Variants in ABCF3 observed in about 807,000 individuals in gnomAD.
The protein encoded by ABCF3 is ATP binding cassette subfamily F member 3, also known as ATP-binding cassette sub-family F member 3.
ABCF3 carries 62 observed loss-of-function variants against 94.3 expected under a neutral mutation model. The observed-to-expected ratio is 0.66, with a 90% CI of 0.54 to 0.81. The LOEUF (loss-of-function observed/expected upper bound fraction) is 0.81, where lower values mean the gene tolerates loss of function less well. ABCF3 is among the 40% of genes least tolerant of loss of function. ABCF3 has a pLI of 0.00. For synonymous variants in ABCF3, 355 were observed against 361.1 expected (o/e 0.98, Z 0.19); for missense variants, 843 against 925.3 (o/e 0.91, Z 1.15).
chr3:184,188,605 A>T, intron 7 of ABCF3, 156 bp from the exon 8 acceptor site: 1 of 1,005,552 alleles, frequency 9.9e-7, no homozygotes, highest in Non-Finnish European at 1.4e-6. Flanking sequence ...GCCCATTTCC[A>T]TAGTGCCCAA....
At position 184,190,982 on chromosome 3, in the gene ABCF3, C is replaced by T. The variant is rs201398299; in HGVS notation, c.1392-17C>T. ...TTTTTAAGTAATAAATCTAGTCTAC[C>T]TCATCTCTTCTCCCAGGCCTGAGCT... On this transcript the variant is annotated splice_polypyrimidine_tract_variant and intron_variant, in intron 14 of 20. Coordinates refer to ENST00000429586, the MANE Select transcript of ABCF3 (RefSeq NM_018358.3). 1.2e-6 allele frequency: 2 copies of T among 1,613,740 alleles called. No homozygotes were observed. The highest frequency in any genetic ancestry group is 2.2e-5 in the East Asian group (1 of 44,872).
Position 184,188,894 on chromosome 3 carries a change from GT to G in ABCF3, c.918-33del, listed in dbSNP as rs780942168. 158 of 1,614,168 alleles carry G rather than the reference GT, an allele frequency of 9.8e-5. 1 individual carries two copies. The highest frequency in any genetic ancestry group is 1.3e-4 in the South Asian group (12 of 91,082). On this transcript the variant is annotated intron_variant, in intron 8 of 20. Coordinates refer to ENST00000429586, the MANE Select transcript of ABCF3 (RefSeq NM_018358.3). ...AGATTTCCTTTCCCTTCTGTGGACT[GT>G]TCCAACTGAGTTCTTCGATTTCTTC...
intron 14 of ABCF3, chr3:184,190,698 G>A (rs1560135526): frequency 3.0e-6 from 1 of 333,864 alleles, no homozygotes; most frequent in East Asian, 6.7e-5. Flanking sequence ...ATGATAATGT[G>A]CATTGGGAGT....
chr3:184,192,835 C>A lies in ABCF3; in HGVS notation c.1689C>A (p.His563Gln). 6.2e-7 allele frequency: 1 copy of A among 1,614,196 alleles called. No homozygotes were observed. The change falls in exon 18 of 21, where the codon CAC becomes CAA. Residue 563 changes from histidine to glutamine, a missense_variant. Physicochemically the swap from His to Gln is conservative, Grantham distance 24. Coordinates refer to ENST00000429586, the MANE Select transcript of ABCF3 (RefSeq NM_018358.3). Reference protein sequence around the residue: ...RNLKIGYFSQHHVEQLDLNVS... With the variant: ...RNLKIGYFSQQHVEQLDLNVS... ...TGAAGATTGGCTATTTCAGCCAGCACCATGTGGAGCAGCTGGACCTAAACG... is the reference window on the plus strand; with the variant it reads ...TGAAGATTGGCTATTTCAGCCAGCAACATGTGGAGCAGCTGGACCTAAACG...
Position 184,187,980 on chromosome 3 carries a change from A to G in ABCF3, c.566A>G (p.Asp189Gly), listed in dbSNP as rs778292936. ...GAGAACTTTGATGTGTCTTTTGGCGATAGGTGAGGGAATAGTGGTGGCAGG... is the reference window on the plus strand; with the variant it reads ...GAGAACTTTGATGTGTCTTTTGGCGGTAGGTGAGGGAATAGTGGTGGCAGG... ...RIENFDVSFG[D>G]RVLLAGADVN... is the part of the protein sequence containing the mutation. The change falls in exon 6 of 21, where the codon GAT (aspartate) becomes GGT (glycine). Residue 189 changes from aspartate (D) to glycine (G), a missense_variant. Coordinates refer to ENST00000429586, the MANE Select transcript of ABCF3 (RefSeq NM_018358.3). 1.9e-6 allele frequency: 3 copies of G among 1,613,818 alleles called. No homozygotes were observed. Among genetic ancestry groups the G allele is most frequent in the South Asian group, 1.1e-5 (1 of 91,092 alleles).
rs747679228 is a variant in ABCF3, at chr3:184,187,777, A to G, written c.446+16A>G. Reference sequence around the variant, plus strand: ...GCAACCCTCTGTGAGTGGGGGAAGCATGGCTCAGAAGAGAGCAGAGCAGCT... The same window carrying G: ...GCAACCCTCTGTGAGTGGGGGAAGCGTGGCTCAGAAGAGAGCAGAGCAGCT... On this transcript the variant is annotated intron_variant, in intron 5 of 20. Transcript: ENST00000429586. 3 of 1,614,076 alleles carry G rather than the reference A, an allele frequency of 1.9e-6. No individual in the cohort carries two copies. Among genetic ancestry groups the G allele is most frequent in the Non-Finnish European group, 2.5e-6 (3 of 1,180,032 alleles).
rs578243315 is a variant in ABCF3, at chr3:184,187,851, C to T, written c.447-10C>T. 1.1e-5 allele frequency: 17 copies of T among 1,614,064 alleles called. No homozygotes were observed. Among genetic ancestry groups the T allele is most frequent in the Admixed American group, 1.7e-5 (1 of 60,014 alleles). ...GGAGCACTAAGAGCTGTCCATTTCTCCCTTTAAAGAGTCTTAGAAGAGGCA... is the reference window on the plus strand; with the variant it reads ...GGAGCACTAAGAGCTGTCCATTTCTTCCTTTAAAGAGTCTTAGAAGAGGCA... On this transcript the variant is annotated splice_polypyrimidine_tract_variant and intron_variant, in intron 5 of 20. Transcript: ENST00000429586.
rs1007607938 is a variant in ABCF3 at position 184,188,027 on chromosome 3, TAGA to T, written c.569+45_569+47del. The T allele has an allele frequency of 1.9e-6, 3 of 1,613,316 alleles. No homozygotes were observed. In the African/African-American group the frequency reaches 4.0e-5, roughly 22 times the overall value. On this transcript the variant is annotated intron_variant, in intron 6 of 20. Transcript: ENST00000429586. ...CAGGGGTTGGCTTTCTTTTTCTAATTAGAGGACAATTTGGAGAGGTGAAACGGG... is the reference window on the plus strand; with the variant it reads ...CAGGGGTTGGCTTTCTTTTTCTAATTGGACAATTTGGAGAGGTGAAACGGG...
At position 184,187,911 on chromosome 3, in the gene ABCF3, G is replaced by C; in HGVS notation, c.497G>C (p.Arg166Pro). ...CAGGCAGGCAGCAGAAAGGAGAGTC[G>C]GTTGGAATCATCTGGCAAGAACAAA... ...ASQAGSRKESRLESSGKNKSY... is the reference protein window; with the variant it reads ...ASQAGSRKESPLESSGKNKSY... Residue 166 changes from arginine (R) to proline (P), a missense_variant, in exon 6 of 21, where the codon CGG becomes CCG. Arg to Pro is a moderately radical substitution (Grantham distance 103). Coordinates refer to ENST00000429586, the MANE Select transcript of ABCF3 (RefSeq NM_018358.3). The C allele has an allele frequency of 6.2e-7, 1 of 1,614,116 alleles. No individual in the cohort carries two copies. The highest frequency in any genetic ancestry group is 8.5e-7 in the Non-Finnish European group (1 of 1,180,038).
chr3:184,188,654 C>A, intron 7 of ABCF3, 107 bp from the exon 8 acceptor site: 1 of 1,205,044 alleles, frequency 8.3e-7, no homozygotes. Context: ...GTATTCTCTT[C>A]CTCTTCCAGC....
intron 16 of ABCF3, 99 bp downstream of exon 16, chr3:184,191,354 T>G: frequency 6.4e-7 from 1 of 1,573,374 alleles, no homozygotes. Flanking sequence ...GGACGAGGTC[T>G]GTGGAACAGG....
Position 184,193,131 on chromosome 3 carries a change from C to A in ABCF3, c.1780C>A (p.Leu594Met). ...GCCTGAGGAGGAGTACCGTCACCAGCTGGGTCGGTATGGCATCTCCGGAGA... is the reference window on the plus strand; with the variant it reads ...GCCTGAGGAGGAGTACCGTCACCAGATGGGTCGGTATGGCATCTCCGGAGA... The part of the protein sequence containing the change: ...GRPEEEYRHQ[L>M]GRYGISGELA... The change falls in exon 19 of 21, where the codon CTG becomes ATG. Residue 594 changes from leucine (L) to methionine (M), a missense_variant. Transcript: ENST00000429586. This position sits in a 1 kb window ranked among gnomAD's most constrained non-coding sequence, Gnocchi z 5.2. The A allele has an allele frequency of 6.4e-7, 1 of 1,550,758 alleles. No homozygotes were observed. The highest frequency in any genetic ancestry group is 1.3e-5 in the South Asian group (1 of 79,908).
At position 184,191,150 on chromosome 3, in the gene ABCF3, G is replaced by A. The variant is rs377428572; in HGVS notation, c.1464G>A (p.Ser488=). 1.1e-4 allele frequency: 173 copies of A among 1,614,046 alleles called. 1 individual carries two copies. Among genetic ancestry groups the A allele is most frequent in the Non-Finnish European group, 1.3e-4 (156 of 1,180,038 alleles). ...MKFPDGFEKF[S]PPILQLDEVD... ...TCCCTGATGGGTTTGAGAAGTTCTC[G>A]CCGCCAATTCTGCAGCTAGATGAGG... Residue 488 remains serine, a synonymous_variant, in exon 16 of 21, where the codon TCG becomes TCA. Transcript: ENST00000429586.
In ABCF3 at chr3:184,191,217, C is replaced by T; in HGVS notation, c.1531C>T (p.Leu511Phe). ...TCCGAAGCACGTCATCTTCAGTCGCCTCTCTGTGTCTGCTGATCTCGAGTC... is the reference window on the plus strand; with the variant it reads ...TCCGAAGCACGTCATCTTCAGTCGCTTCTCTGTGTCTGCTGATCTCGAGTC... ...YDPKHVIFSRLSVSADLESRI... is the reference protein window; with the variant it reads ...YDPKHVIFSRFSVSADLESRI... The change falls in exon 16 of 21, where the codon CTC (leucine) becomes TTC (phenylalanine). Residue 511 changes from leucine to phenylalanine, a missense_variant. Physicochemically the swap from Leu to Phe is conservative, Grantham distance 22 (BLOSUM62 0). Coordinates refer to ENST00000429586, the MANE Select transcript of ABCF3 (RefSeq NM_018358.3). 1 of 1,614,244 alleles carries T rather than the reference C, an allele frequency of 6.2e-7. No homozygotes were observed. Among genetic ancestry groups the T allele is most frequent in the Non-Finnish European group, 8.5e-7 (1 of 1,180,048 alleles).
chr3:184,193,375 T>G lies in ABCF3; in HGVS notation c.1894T>G (p.Tyr632Asp). 1 of 1,614,138 alleles carries G rather than the reference T, an allele frequency of 6.2e-7. No homozygotes were observed. The highest frequency in any genetic ancestry group is 8.5e-7 in the Non-Finnish European group (1 of 1,180,020). The change falls in exon 20 of 21, where the codon TAC becomes GAC. Residue 632 changes from tyrosine to aspartate, a missense_variant. Physicochemically the swap from Tyr to Asp is radical, Grantham distance 160 (BLOSUM62 -3). Coordinates refer to ENST00000429586, the MANE Select transcript of ABCF3 (RefSeq NM_018358.3). This position sits in a 1 kb window ranked among gnomAD's most constrained non-coding sequence, Gnocchi z 5.2. ...GGTTCTGCCTTCCAGCCCCAACTTC[T>G]ACATTCTGGATGAACCCACAAACCA... ...AQMTMPCPNF[Y>D]ILDEPTNHLD...
chr3:184,193,897 C>G lies in ABCF3; in HGVS notation c.*199C>G. 1 of 663,464 alleles carries G rather than the reference C, an allele frequency of 1.5e-6. No homozygotes were observed. Among genetic ancestry groups the G allele is most frequent in the Non-Finnish European group, 2.4e-6 (1 of 412,904 alleles). The allele number at this position is 663,464 out of a possible 1,614,324, so 41.1% of individuals were successfully genotyped here. ...CAAGGGTTGGTGAGGACTGGTCTCCCGGGGGTGGGGGTCTGGGGGGTACCC... is the reference window on the plus strand; with the variant it reads ...CAAGGGTTGGTGAGGACTGGTCTCCGGGGGGTGGGGGTCTGGGGGGTACCC... On this transcript the variant is annotated 3_prime_UTR_variant, in exon 21 of 21. Transcript: ENST00000429586. This position sits in a 1 kb window ranked among gnomAD's most constrained non-coding sequence, Gnocchi z 5.2.
chr3:184,186,963 G>C, intron 3 of ABCF3, 88 bp downstream of exon 3: 1 of 1,354,690 alleles, frequency 7.4e-7, no homozygotes, highest in Non-Finnish European at 1.0e-6. Flanking sequence ...GGGCTCCTAC[G>C]TCTTTTCCAC....
rs753786243 is a variant in ABCF3 at position 184,189,595 on chromosome 3, C to G, written c.1152C>G (p.Arg384=). 1.1e-5 allele frequency: 18 copies of G among 1,614,102 alleles called. No homozygotes were observed. The highest frequency in any genetic ancestry group is 1.6e-4 in the Middle Eastern group (1 of 6,084). Residue 384 remains arginine, a synonymous_variant, in exon 13 of 21, where the codon CGC becomes CGG. Transcript: ENST00000429586. The stretch of plus-strand genomic sequence containing the variant: ...CCATCCTAGTCGTCTCCCACGACCG[C>G]AACTTCTTGAATGCCATCGCCACAG... ...PSTILVVSHD[R]NFLNAIATDI...
At position 184,188,946 on chromosome 3, in the gene ABCF3, C is replaced by T; in HGVS notation, c.935C>T (p.Ala312Val). 6.2e-7 allele frequency: 1 copy of T among 1,614,254 alleles called. No homozygotes were observed. Among genetic ancestry groups the T allele is most frequent in the Non-Finnish European group, 8.5e-7 (1 of 1,180,046 alleles). ...TCTACTAGGGCATCAGTCATTCTCGCTGGGCTTGGCTTTACCCCTAAAATG... is the reference window on the plus strand; with the variant it reads ...TCTACTAGGGCATCAGTCATTCTCGTTGGGCTTGGCTTTACCCCTAAAATG... ...KAPARASVIL[A>V]GLGFTPKMQQ... The change falls in exon 9 of 21, where the codon GCT (alanine) becomes GTT (valine). Residue 312 changes from alanine (A) to valine (V), a missense_variant. By Grantham distance (64) the Ala-to-Val change is moderately conservative. Coordinates refer to ENST00000429586, the MANE Select transcript of ABCF3 (RefSeq NM_018358.3).
Sources: gnomAD v4.1 joint callset for allele counts on GRCh38, gnomAD v4.1.1 for gene constraint, Gnocchi (gnomAD v3.1) non-coding constraint, MANE v1.5 for transcripts, NCBI Gene and HGNC (gene_info 2026-07-23, HGNC 2026-07-21) for gene names.